VAPA: variants seen among roughly 807,000 people sequenced by gnomAD.
The protein encoded by VAPA is vesicle-associated membrane protein-associated protein A.
A neutral mutation model predicts 25.6 loss-of-function variants in VAPA; 6 were observed. The ratio of observed to expected loss-of-function variants is 0.23; its 90% CI spans 0.13 to 0.46. VAPA has a LOEUF of 0.46. Among genes scored for constraint, VAPA ranks in the 20% least tolerant of loss-of-function variants. The probability of loss-of-function intolerance (pLI) is 0.99; values close to 1 mark genes in which losing one functional copy is unlikely to be tolerated. For missense variants in VAPA, 244 were observed against 302.1 expected (o/e 0.81, Z 1.43); for synonymous variants, 112 against 106.2 (o/e 1.05, Z -0.34).
chr18:9,949,473 G>A (rs757838089), intron 4 of VAPA: 1 of 152,182 alleles, frequency 6.6e-6, no homozygotes, highest in Non-Finnish European at 1.5e-5. Context: ...GGATGGTGTG[G>A]TAGGTGTGCA....
At chr18:9,946,460 G>GT (rs202108170) in intron 4 of VAPA, among the ~76,000 whole-genome samples, 1,663 of 141,516 alleles carry the variant, frequency 0.012, 34 homozygotes, top group African/African-American at 0.038. Flanking sequence ...AACACTATGA[G>GT]TTTTTTTTTG....
At chr18:9,946,287 C>T (rs555000128) in intron 4 of VAPA, among the ~76,000 whole-genome samples, 4 of 152,118 alleles carry the variant, frequency 2.6e-5, no homozygotes, top group Non-Finnish European at 4.4e-5. Flanking sequence ...TTGCCTTTTG[C>T]TCCTAGGCTA....
chr18:9,929,227 T>A (rs1567894368), intron 1 of VAPA, among the ~76,000 whole-genome samples: 1 of 152,270 alleles, frequency 6.6e-6, no homozygotes, highest in East Asian at 1.9e-4. Flanking sequence ...ATTTGAAAAT[T>A]CGGTGCAATG....
In VAPA at chr18:9,918,003, AT is replaced by A. The variant is rs538453951; in HGVS notation, c.79+3679del. Among the ~76,000 whole-genome samples the A allele has an allele frequency of 1.2e-3, 173 of 148,974 alleles. 3 individuals are homozygous for A. The East Asian group carries it at 0.024, about 21-fold the overall frequency. ...CAATTGCTCACAGAATAAAAGTCAGATTTTTTTTTTTCAGTAAGACATACCA... is the reference window on the plus strand; with the variant it reads ...CAATTGCTCACAGAATAAAAGTCAGATTTTTTTTTTCAGTAAGACATACCA... On this transcript the variant is annotated intron_variant, in intron 1 of 5. Coordinates refer to ENST00000400000, the MANE Select transcript of VAPA (RefSeq NM_194434.3).
intron 5 of VAPA, among the ~76,000 whole-genome samples, chr18:9,951,809 G>A (rs1213638491): frequency 6.6e-6 from 1 of 152,174 alleles, no homozygotes; most frequent in Non-Finnish European, 1.5e-5. Flanking sequence ...GTTTTAAGTC[G>A]ATCTGTGAAC....
At chr18:9,945,014 G>A (rs2069407221) in intron 4 of VAPA, 1 of 1,614,044 alleles carries the variant, frequency 6.2e-7, no homozygotes. Context: ...TCACACGAAG[G>A]ATGACCCCAG....
chr18:9,932,923 A>T (rs1370836582), intron 2 of VAPA, among the ~76,000 whole-genome samples: 4 of 152,122 alleles, frequency 2.6e-5, no homozygotes, highest in East Asian at 3.9e-4. Context: ...CCTGGCCAAG[A>T]TGGTGAAACC....
Position 9,957,289 on chromosome 18 carries a change from C to T in VAPA, c.*3078C>T, listed in dbSNP as rs2069561531. ...CCGCCTGCCTCGGCCTCCCAAAGTG[C>T]TGGGATTACAGGTGTGAGCTGCCGC... On this transcript the variant is annotated 3_prime_UTR_variant, in exon 6 of 6. Transcript: ENST00000400000. 1 of 152,176 alleles carries T rather than the reference C, an allele frequency of 6.6e-6. No individual in the cohort carries two copies. The highest frequency in any genetic ancestry group is 1.5e-5 in the Non-Finnish European group (1 of 68,064). 9.4% of individuals were successfully genotyped at this position (152,176 alleles called of 1,614,324 possible).
intron 1 of VAPA, among the ~76,000 whole-genome samples, chr18:9,930,527 T>TA (rs2069243282): frequency 6.6e-6 from 1 of 152,126 alleles, no homozygotes; most frequent in South Asian, 2.1e-4. Context: ...TTTACTCTCA[T>TA]ACTAGTTTTA....
chr18:9,957,368 A>G lies in VAPA; in HGVS notation c.*3157A>G, dbSNP rs987164684. On this transcript the variant is annotated 3_prime_UTR_variant, in exon 6 of 6. Coordinates refer to ENST00000400000, the MANE Select transcript of VAPA (RefSeq NM_194434.3). ...ATACTTAGATGTTCACCTAAAGTTG[A>G]TATTATTTGGTATGGGAATTACTTT... 2 of 152,184 alleles carry G rather than the reference A, an allele frequency of 1.3e-5. No homozygotes were observed. The highest frequency in any genetic ancestry group is 2.9e-5 in the Non-Finnish European group (2 of 68,036). 9.4% of individuals were successfully genotyped at this position (152,184 alleles called of 1,614,324 possible).
At chr18:9,941,971 T>C (rs1196389890) in intron 4 of VAPA, among the ~76,000 whole-genome samples, 1 of 152,212 alleles carries the variant, frequency 6.6e-6, no homozygotes, top group Non-Finnish European at 1.5e-5. Flanking sequence ...AGAGAATTCT[T>C]TGAGATCTTT....
At chr18:9,947,304 T>C (rs1480127248) in intron 4 of VAPA, among the ~76,000 whole-genome samples, 1 of 152,258 alleles carries the variant, frequency 6.6e-6, no homozygotes, top group African/African-American at 2.4e-5. Context: ...GCAATACTTT[T>C]ATATGACTGG....
intron 5 of VAPA, 109 bp from the exon 6 acceptor site, chr18:9,953,944 G>A: frequency 7.3e-7 from 1 of 1,370,782 alleles, no homozygotes; most frequent in Non-Finnish European, 1.0e-6. Flanking sequence ...TCCGTCCCCA[G>A]CCATAGGCAA....
At chr18:9,951,891 G>A (rs11663909) in intron 5 of VAPA, among the ~76,000 whole-genome samples, 11,425 of 152,174 alleles carry the variant, frequency 0.075, 500 homozygotes, top group South Asian at 0.15. Context: ...GTACCCCCTC[G>A]AGGGGTACCC....
chr18:9,950,849 G>T, intron 5 of VAPA: 2 of 367,598 alleles, frequency 5.4e-6, no homozygotes, highest in Admixed American at 9.1e-5. Context: ...CCCATTTTGT[G>T]CCCTAGTCAT....
At chr18:9,915,253 C>T (rs1206071711) in intron 1 of VAPA, among the ~76,000 whole-genome samples, 1 of 152,098 alleles carries the variant, frequency 6.6e-6, no homozygotes, top group African/African-American at 2.4e-5. Flanking sequence ...TTGCGGTTTC[C>T]GACAGATCCT....
intron 4 of VAPA, among the ~76,000 whole-genome samples, chr18:9,939,625 A>G (rs28871081): frequency 1.4e-5 from 2 of 146,456 alleles, no homozygotes; most frequent in African/African-American, 2.5e-5. Flanking sequence ...TTGTGGTGCT[A>G]TTTAACCTTT....
intron 4 of VAPA, chr18:9,948,893 C>T (rs1444356820): frequency 6.6e-6 from 1 of 152,168 alleles, no homozygotes; most frequent in Non-Finnish European, 1.5e-5. Flanking sequence ...TATCAGTTTT[C>T]TGGTATGAGT....
chr18:9,943,921 C>T (rs562319506), intron 4 of VAPA, among the ~76,000 whole-genome samples: 166 of 121,794 alleles, frequency 1.4e-3, no homozygotes, highest in South Asian at 9.5e-3. Flanking sequence ...AGTGCAGTGG[C>T]GCGATCTCGG....
Sources: allele counts gnomAD v4.1 joint callset (sites outside exome capture counted in the v4.1 genomes callset), GRCh38; gene constraint gnomAD v4.1.1; transcripts MANE v1.5; gene names NCBI Gene and HGNC (gene_info 2026-07-23, HGNC 2026-07-21).